ELMO1: variants seen among roughly 807,000 people sequenced by gnomAD.
The protein encoded by ELMO1 is engulfment and cell motility 1, also known as engulfment and cell motility protein 1.
A neutral mutation model predicts 98.9 loss-of-function variants in ELMO1; 26 were observed. That is an observed-to-expected ratio of 0.26 (90% confidence interval 0.19 to 0.36). The LOEUF (loss-of-function observed/expected upper bound fraction) is 0.36, where lower values mean the gene tolerates loss of function less well. Ranked by LOEUF, ELMO1 falls within the 10% of genes least tolerant of loss-of-function variation. The pLI is 1.00. For missense variants in ELMO1, 627 were observed against 935.2 expected (o/e 0.67, Z 4.30); for synonymous variants, 346 against 346.0 (o/e 1.00, Z 0.00).
At chr7:37,172,308 TAAA>T (rs35800288) in intron 13 of ELMO1, among the ~76,000 whole-genome samples, 10 of 147,108 alleles carry the variant, frequency 6.8e-5, no homozygotes, top group Admixed American at 6.7e-5. Flanking sequence ...GTGCTTACAT[TAAA>T]AAAAAAAAAA....
At chr7:37,079,768 A>T (rs927286987) in intron 15 of ELMO1, among the ~76,000 whole-genome samples, 1 of 151,762 alleles carries the variant, frequency 6.6e-6, no homozygotes, top group African/African-American at 2.4e-5. Flanking sequence ...TGGGAGCCCC[A>T]CTCAACTCCT....
chr7:37,155,416 C>T, intron 13 of ELMO1, among the ~76,000 whole-genome samples: 1 of 145,078 alleles, frequency 6.9e-6, no homozygotes, highest in Non-Finnish European at 1.5e-5. Context: ...TCAGGAGACC[C>T]ATCTCATGTG....
At chr7:37,021,139 T>G (rs530256687) in intron 15 of ELMO1, among the ~76,000 whole-genome samples, 2 of 152,158 alleles carry the variant, frequency 1.3e-5, no homozygotes, top group South Asian at 4.1e-4. Context: ...ATGCTAAAAG[T>G]TCAGAACCTT....
At chr7:36,968,293 G>A (rs777895937) in intron 16 of ELMO1, among the ~76,000 whole-genome samples, 12 of 152,128 alleles carry the variant, frequency 7.9e-5, no homozygotes, top group Non-Finnish European at 1.2e-4. Flanking sequence ...GATTTTCTTA[G>A]GATAAAGTCT....
intron 16 of ELMO1, among the ~76,000 whole-genome samples, chr7:36,943,013 A>C (rs1787178293): frequency 6.6e-6 from 1 of 152,202 alleles, no homozygotes; most frequent in Non-Finnish European, 1.5e-5. Context: ...TGGTCACGGC[A>C]GGCTGGCATG....
At chr7:36,872,137 G>GA (rs751593168) in intron 19 of ELMO1, among the ~76,000 whole-genome samples, 31 of 152,316 alleles carry the variant, frequency 2.0e-4, no homozygotes, top group East Asian at 1.4e-3. Context: ...AAATGTGAAA[G>GA]AAAATGCTTC....
chr7:37,134,362 T>G (rs1364056312), intron 13 of ELMO1, among the ~76,000 whole-genome samples: 2 of 151,730 alleles, frequency 1.3e-5, no homozygotes, highest in East Asian at 1.9e-4. Context: ...AGGTCAGGAG[T>G]TTGAGACCAA....
At chr7:37,332,181 G>C (rs533051308) in intron 2 of ELMO1, among the ~76,000 whole-genome samples, 4 of 152,170 alleles carry the variant, frequency 2.6e-5, no homozygotes, top group African/African-American at 9.7e-5. Flanking sequence ...TTGATGGAAA[G>C]ACACACAAAG....
chr7:37,127,284 T>A (rs1028118792), intron 14 of ELMO1, among the ~76,000 whole-genome samples: 2 of 152,236 alleles, frequency 1.3e-5, no homozygotes, highest in Admixed American at 1.3e-4. Context: ...CTTCAGAAGA[T>A]CTTTAACTGA....
chr7:36,946,935 T>C (rs552822055), intron 16 of ELMO1, among the ~76,000 whole-genome samples: 76 of 152,378 alleles, frequency 5.0e-4, no homozygotes, highest in African/African-American at 1.8e-3. Flanking sequence ...CACAATGAAT[T>C]AATTTATTTT....
chr7:37,191,340 G>A (rs937919693), intron 13 of ELMO1, among the ~76,000 whole-genome samples: 4 of 151,746 alleles, frequency 2.6e-5, no homozygotes, highest in African/African-American at 9.7e-5. Flanking sequence ...TCTGTGGTAA[G>A]CCCAACTAAA....
intron 15 of ELMO1, among the ~76,000 whole-genome samples, chr7:37,066,315 G>C (rs1382979287): frequency 6.6e-6 from 1 of 152,132 alleles, no homozygotes; most frequent in Non-Finnish European, 1.5e-5. Flanking sequence ...CTTATGCCTG[G>C]GTGTACAGCC....
intron 16 of ELMO1, among the ~76,000 whole-genome samples, chr7:36,960,618 C>G (rs1788861177): frequency 6.6e-6 from 1 of 151,984 alleles, no homozygotes; most frequent in Non-Finnish European, 1.5e-5. Flanking sequence ...CTCACTCACC[C>G]CTTAAACCTT....
intron 1 of ELMO1, among the ~76,000 whole-genome samples, chr7:37,391,393 G>A (rs1243704530): frequency 2.0e-5 from 3 of 152,146 alleles, no homozygotes; most frequent in Admixed American, 6.5e-5. Context: ...TGGCATTACA[G>A]GCATGAGCCA....
chr7:37,155,230 C>G (rs1454719739), intron 13 of ELMO1, among the ~76,000 whole-genome samples: 1 of 152,140 alleles, frequency 6.6e-6, no homozygotes, highest in Non-Finnish European at 1.5e-5. Flanking sequence ...ACCACTGATG[C>G]TAGGAAGAAA....
intron 14 of ELMO1, among the ~76,000 whole-genome samples, chr7:37,097,955 T>A (rs1160158125): frequency 6.6e-6 from 1 of 152,204 alleles, no homozygotes; most frequent in Non-Finnish European, 1.5e-5. Context: ...TTTGAGATGT[T>A]CCTAACACTC....
At chr7:37,252,266 AT>A (rs1277190977) in intron 6 of ELMO1, among the ~76,000 whole-genome samples, 7 of 152,246 alleles carry the variant, frequency 4.6e-5, no homozygotes, top group Non-Finnish European at 8.8e-5. Context: ...AAGAGCCCAT[AT>A]AATCTAGACA....
At chr7:37,277,813 A>G (rs1422109164) in intron 4 of ELMO1, among the ~76,000 whole-genome samples, 1 of 152,246 alleles carries the variant, frequency 6.6e-6, no homozygotes, top group Non-Finnish European at 1.5e-5. Context: ...AATGTCTGCA[A>G]TAACAGCACT....
intron 19 of ELMO1, among the ~76,000 whole-genome samples, chr7:36,877,586 A>G (rs1420862908): frequency 2.0e-5 from 3 of 152,242 alleles, no homozygotes; most frequent in Admixed American, 6.5e-5. Flanking sequence ...ACTCTGTGTC[A>G]TAACTATGGG....
Sources: allele counts gnomAD v4.1 joint callset (sites outside exome capture counted in the v4.1 genomes callset), GRCh38; gene constraint gnomAD v4.1.1; transcripts MANE v1.5; gene names NCBI Gene and HGNC (gene_info 2026-07-23, HGNC 2026-07-21).